Variants in RARS2 observed in about 807,000 individuals in gnomAD.
RARS2 encodes the protein arginyl-tRNA synthetase 2, mitochondrial.
A neutral mutation model predicts 88.5 loss-of-function variants in RARS2; 67 were observed. That is an observed-to-expected ratio of 0.76 (90% CI 0.62 to 0.93). The LOEUF (loss-of-function observed/expected upper bound fraction) is 0.93, where lower values mean the gene tolerates loss of function less well. Ranked by LOEUF, RARS2 falls within the 40% of genes least tolerant of loss-of-function variation. RARS2 has a pLI of 0.00. For synonymous variants in RARS2, 239 were observed against 230.3 expected (o/e 1.04, Z -0.34); for missense variants, 664 against 684.2 (o/e 0.97, Z 0.33).
rs1056869703 is a variant in RARS2, at chr6:87,514,329, A to T, written c.*84T>A. ...TCCATCTCAAAAAAAAAAAAAAAAAATTTAAATTTATTCTGAACAGCAAGG... is the reference window on the plus strand; with the variant it reads ...TCCATCTCAAAAAAAAAAAAAAAAATTTTAAATTTATTCTGAACAGCAAGG... On this transcript the variant is annotated 3_prime_UTR_variant, in exon 20 of 20. Coordinates refer to ENST00000369536, the MANE Select transcript of RARS2 (RefSeq NM_020320.5). The T allele has an allele frequency of 4.6e-5, 43 of 935,904 alleles. No homozygotes were observed. Among genetic ancestry groups the T allele is most frequent in the Non-Finnish European group, 6.4e-5 (40 of 621,738 alleles). 58.0% of individuals were successfully genotyped at this position (935,904 alleles called of 1,614,324 possible). A position where few individuals can be genotyped will look rare whatever the true frequency, so the allele number is the denominator to read the frequency against.
rs72383675 is a variant in RARS2 at position 87,578,958 on chromosome 6, C to CAAAAAA, written c.37-9374_37-9369dup. ...CTGGAGACAGAGCGAGAGACTGTCT[C>CAAAAAA]AAAAAAAAAAAAAAAAAAAAAAAAA... On this transcript the variant is annotated intron_variant, in intron 1 of 19. Transcript: ENST00000369536. Among the ~76,000 whole-genome samples the CAAAAAA allele has an allele frequency of 4.5e-3, 188 of 41,886 alleles. 37 individuals are homozygous for CAAAAAA. The highest frequency in any genetic ancestry group is 7.4e-3 in the African/African-American group (77 of 10,450). 27.5% of individuals were successfully genotyped at this position (41,886 alleles called of 152,430 possible). A position where few individuals can be genotyped will look rare whatever the true frequency, so the allele number is the denominator to read the frequency against.
chr6:87,572,362 G>T (rs1201451693), intron 1 of RARS2, among the ~76,000 whole-genome samples: 1 of 151,916 alleles, frequency 6.6e-6, no homozygotes, highest in African/African-American at 2.4e-5. Flanking sequence ...TAATCACTAA[G>T]ATTTTATGTC....
At chr6:87,537,536 A>G (rs2128093535) in intron 8 of RARS2, among the ~76,000 whole-genome samples, 2 of 152,304 alleles carry the variant, frequency 1.3e-5, no homozygotes, top group South Asian at 4.1e-4. Flanking sequence ...TCCACAAATT[A>G]TATATAATTA....
intron 5 of RARS2, among the ~76,000 whole-genome samples, chr6:87,553,317 T>C (rs540510581): frequency 2.6e-5 from 4 of 152,246 alleles, no homozygotes; most frequent in East Asian, 1.9e-4. Flanking sequence ...CTCAGGCAAG[T>C]AGAAGAACCA....
intron 1 of RARS2, among the ~76,000 whole-genome samples, chr6:87,589,289 C>T (rs1776231444): frequency 6.6e-6 from 1 of 152,124 alleles, no homozygotes; most frequent in South Asian, 2.1e-4. Flanking sequence ...GGAGGGAGGA[C>T]AGCTTGAGCC....
intron 4 of RARS2, among the ~76,000 whole-genome samples, chr6:87,559,321 G>C (rs1304360346): frequency 6.6e-6 from 1 of 151,888 alleles, no homozygotes; most frequent in African/African-American, 2.4e-5. Flanking sequence ...AGGGTCTCTA[G>C]CCAGGCATGG....
chr6:87,516,817 A>G lies in RARS2; in HGVS notation c.1575T>C (p.Leu525=). Residue 525 remains leucine, a synonymous_variant, in exon 18 of 20, where the codon CTT becomes CTC. Transcript: ENST00000369536. ...AGATTATAAAGTACCTTAAAGTTAG[A>G]AGGTAACTGACGATATGCCTGGGTT... The part of the protein sequence containing the change: ...DFQPRHIVSY[L]LTLSHLAAVA... 2 of 1,613,764 alleles carry G rather than the reference A, an allele frequency of 1.2e-6. No individual in the cohort carries two copies. Among genetic ancestry groups the G allele is most frequent in the Non-Finnish European group, 1.7e-6 (2 of 1,179,788 alleles).
At chr6:87,569,292 A>C (rs1454529719) in intron 2 of RARS2, among the ~76,000 whole-genome samples, 2 of 152,220 alleles carry the variant, frequency 1.3e-5, no homozygotes, top group Admixed American at 1.3e-4. Flanking sequence ...TAAAATAATG[A>C]ACATAAGAAT....
intron 5 of RARS2, among the ~76,000 whole-genome samples, chr6:87,550,655 TTA>T (rs1007716885): frequency 1.3e-5 from 2 of 150,850 alleles, no homozygotes; most frequent in Admixed American, 1.3e-4. Flanking sequence ...TATGGTGAAA[TTA>T]TATGTTTAAA....
chr6:87,516,772 A>G (rs1450070261), intron 18 of RARS2, 34 bp downstream of exon 18: 4 of 1,610,744 alleles, frequency 2.5e-6, no homozygotes, highest in Non-Finnish European at 3.4e-6. Flanking sequence ...CTCAAATGCC[A>G]TTAACACCTG....
intron 1 of RARS2, among the ~76,000 whole-genome samples, chr6:87,588,134 T>C (rs1775697030): frequency 6.6e-6 from 1 of 152,192 alleles, no homozygotes; most frequent in African/African-American, 2.4e-5. Flanking sequence ...TTGTTTCTCA[T>C]CATGGCACTA....
chr6:87,554,244 T>G lies in RARS2; in HGVS notation c.395+1164A>C, dbSNP rs935332589. Among the ~76,000 whole-genome samples, 3 of 152,166 alleles carry G rather than the reference T, an allele frequency of 2.0e-5. No individual in the cohort carries two copies. The East Asian group carries it at 5.8e-4, about 29-fold the overall frequency. On this transcript the variant is annotated intron_variant, in intron 5 of 19. Transcript: ENST00000369536. ...ATAATTTCCTAGGGTTGTCAATCTG[T>G]CGGCTGTACAATGAAAGTATTAGTT... is the stretch of plus-strand genomic sequence containing the variant.
rs1383791789 is a variant in RARS2, at chr6:87,548,168, G to A, written c.451+423C>T. ...TGAGGCAGGAGAATCCTTTGAACCT[G>A]GGAGGCAGAGGTTGCAGTGAGCCAA... On this transcript the variant is annotated intron_variant, in intron 6 of 19. Transcript: ENST00000369536. Among the ~76,000 whole-genome samples the A allele has an allele frequency of 2.6e-5, 4 of 152,176 alleles. No homozygotes were observed. The East Asian group carries it at 7.7e-4, about 29-fold the overall frequency.
intron 5 of RARS2, among the ~76,000 whole-genome samples, chr6:87,552,233 G>A (rs757602767): frequency 6.6e-6 from 1 of 152,016 alleles, no homozygotes; most frequent in Non-Finnish European, 1.5e-5. Context: ...AATGTTGCTT[G>A]GTCTGTTCAG....
At position 87,579,715 on chromosome 6, in the gene RARS2, G is replaced by GTTTT. The variant is rs35014020; in HGVS notation, c.37-10129_37-10126dup. On this transcript the variant is annotated intron_variant, in intron 1 of 19. Transcript: ENST00000369536. ...TTGAGAGCCACCGAGCATAGAGCAT[G>GTTTT]TTTTTTTTTTTTTTTTTTTTTTTTT... 5.6e-4 allele frequency among the ~76,000 whole-genome samples: 34 copies of GTTTT among 60,470 alleles called. 5 individuals are homozygous for GTTTT. The highest frequency in any genetic ancestry group is 1.2e-3 in the African/African-American group (15 of 12,526). The allele number at this position is 60,470 out of a possible 152,430, so 39.7% of individuals were successfully genotyped here.
intron 4 of RARS2, among the ~76,000 whole-genome samples, chr6:87,559,244 AAAAATGTT>A (rs1424451440): frequency 6.6e-6 from 1 of 152,118 alleles, no homozygotes; most frequent in Non-Finnish European, 1.5e-5. Context: ...TTTATAAAAT[AAAAATGTT>A]ACAGTCAGCT....
chr6:87,526,934 G>A (rs368320621), intron 10 of RARS2, among the ~76,000 whole-genome samples: 1 of 151,874 alleles, frequency 6.6e-6, no homozygotes, highest in African/African-American at 2.4e-5. Flanking sequence ...GCCTCCCAAA[G>A]TGCTGGGATT....
intron 4 of RARS2, among the ~76,000 whole-genome samples, chr6:87,561,738 C>T (rs1375765257): frequency 6.6e-6 from 1 of 152,194 alleles, no homozygotes; most frequent in Non-Finnish European, 1.5e-5. Context: ...AAGCAGTCCG[C>T]TTGCTCCTTT....
At position 87,541,930 on chromosome 6, in the gene RARS2, C is replaced by G; in HGVS notation, c.600G>C (p.Gln200His). The G allele has an allele frequency of 6.2e-7, 1 of 1,612,704 alleles. No individual in the cohort carries two copies. Among genetic ancestry groups the G allele is most frequent in the African/African-American group, 1.3e-5 (1 of 74,988 alleles). The change falls in exon 8 of 20, where the codon CAG (glutamine) becomes CAC (histidine). Residue 200 changes from glutamine to histidine, a missense_variant. Gln to His is a conservative substitution (Grantham distance 24). Transcript: ENST00000369536. The part of the protein sequence containing the change: ...YEEKLQSNPL[Q>H]HLFEVYVQVN... ...CTTGCCAACTTACTTCAAAGAGATG[C>G]TGTAGAGGATTGGACTGCAGTTTTT... is the stretch of plus-strand genomic sequence containing the variant.
Sources: allele counts gnomAD v4.1 joint callset (sites outside exome capture counted in the v4.1 genomes callset), GRCh38; gene constraint gnomAD v4.1.1; transcripts MANE v1.5; gene names NCBI Gene and HGNC (gene_info 2026-07-23, HGNC 2026-07-21).